The following SLCO3A1 variants were observed in gnomAD, a reference collection of about 807,000 sequenced individuals.
SLCO3A1 encodes PGE1 transporter.
Under a neutral mutation model 63.1 loss-of-function variants are expected in SLCO3A1, and 27 were observed. That is an observed-to-expected ratio of 0.43 (90% CI 0.32 to 0.59). The LOEUF is 0.59. Among genes scored for constraint, SLCO3A1 ranks in the 20% least tolerant of loss-of-function variants. SLCO3A1 has a pLI of 0.09. For synonymous variants in SLCO3A1, 473 were observed against 409.9 expected, an observed-to-expected ratio of 1.15 and a Z score of -1.86; for missense variants, 773 against 945.8, an observed-to-expected ratio of 0.82 and a Z score of 2.40.
chr15:92,101,560 T>C (rs1203913035), intron 3 of SLCO3A1, among the ~76,000 whole-genome samples: 1 of 152,010 alleles, frequency 6.6e-6, no homozygotes, highest in Admixed American at 6.6e-5. Flanking sequence ...AGGCAAGACA[T>C]TTCTCAGACG....
At chr15:92,051,655 A>T (rs1047548724) in intron 2 of SLCO3A1, among the ~76,000 whole-genome samples, 2 of 152,120 alleles carry the variant, frequency 1.3e-5, no homozygotes, top group Non-Finnish European at 2.9e-5. Context: ...TTGTCTTCTG[A>T]TCCCATCGTG....
chr15:92,130,229 C>T (rs1025149383), intron 7 of SLCO3A1, among the ~76,000 whole-genome samples: 2 of 152,230 alleles, frequency 1.3e-5, no homozygotes, highest in African/African-American at 2.4e-5. Context: ...AAGAGCCTTA[C>T]CAGGCCCATC....
chr15:91,915,939 G>C (rs959850428), intron 1 of SLCO3A1, 54 bp from the exon 2 acceptor site: 5 of 1,470,072 alleles, frequency 3.4e-6, no homozygotes. Flanking sequence ...GGAAGGAGAG[G>C]CTTCCTGGGC....
Position 92,128,386 on chromosome 15 carries a change from C to T in SLCO3A1, c.1409C>T (p.Pro470Leu). The T allele has an allele frequency of 1.2e-6, 2 of 1,614,152 alleles. No homozygotes were observed. The highest frequency in any genetic ancestry group is 1.1e-5 in the South Asian group (1 of 91,080). ...GGCTCAGCCCTGGACCCCTACTCGCCCTGCAATAATAACTGTGAATGCCAA... is the reference window on the plus strand; with the variant it reads ...GGCTCAGCCCTGGACCCCTACTCGCTCTGCAATAATAACTGTGAATGCCAA... ...APGSALDPYS[P>L]CNNNCECQTD... The change falls in exon 7 of 10, where the codon CCC (proline) becomes CTC (leucine). Residue 470 changes from proline (P) to leucine (L), a missense_variant. Physicochemically the swap from Pro to Leu is moderately conservative, Grantham distance 98. This residue lies in a region of SLCO3A1 where 565 missense variants were observed against 749.8 expected (regional missense o/e 0.75). Transcript: ENST00000318445.
Position 91,916,097 on chromosome 15 carries a change from C to G in SLCO3A1, c.285C>G (p.Phe95Leu), listed in dbSNP as rs1319330467. ...FEIGNLALILFVSYFGARGHR... is the reference protein window; with the variant it reads ...FEIGNLALILLVSYFGARGHR... ...TCGGGAACCTGGCGCTCATCCTCTT[C>G]GTGAGCTACTTCGGGGCACGCGGGC... Residue 95 changes from phenylalanine (F) to leucine (L), a missense_variant, in exon 2 of 10, where the codon TTC becomes TTG. By Grantham distance (22) the Phe-to-Leu change is conservative. Transcript: ENST00000318445. The surrounding 1 kb of genome is among the most constrained non-coding windows in gnomAD (Gnocchi z 6.2). 1 of 1,612,698 alleles carries G rather than the reference C, an allele frequency of 6.2e-7. No homozygotes were observed. Among genetic ancestry groups the G allele is most frequent in the Non-Finnish European group, 8.5e-7 (1 of 1,179,856 alleles).
intron 2 of SLCO3A1, among the ~76,000 whole-genome samples, chr15:91,979,266 A>C (rs1901242373): frequency 6.6e-6 from 1 of 152,152 alleles, no homozygotes; most frequent in South Asian, 2.1e-4. Context: ...AAGCCTCAAC[A>C]TGAAGTTCTT....
chr15:92,069,976 G>T (rs1317422800), intron 2 of SLCO3A1, among the ~76,000 whole-genome samples: 3 of 152,236 alleles, frequency 2.0e-5, no homozygotes, highest in Non-Finnish European at 4.4e-5. Context: ...AAGCCAAACT[G>T]GTAGGCTACC....
rs2046373566 is a variant in SLCO3A1, at chr15:92,011,942, TCA to T, written c.647-82936_647-82935del. 5.3e-5 allele frequency among the ~76,000 whole-genome samples: 8 copies of T among 152,326 alleles called. No homozygotes were observed. In the South Asian group the frequency reaches 1.7e-3, roughly 32 times the overall value. On this transcript the variant is annotated intron_variant, in intron 2 of 9. Coordinates refer to ENST00000318445, the MANE Select transcript of SLCO3A1 (RefSeq NM_013272.4). Reference sequence around the variant, plus strand: ...CTCAGCCTGGCAGCTGTCCCCAGGGTCACAGACTGCTGCTTCTGAGTAAACTT... The same window carrying T: ...CTCAGCCTGGCAGCTGTCCCCAGGGTCAGACTGCTGCTTCTGAGTAAACTT...
chr15:92,087,548 C>T (rs765689508), intron 2 of SLCO3A1, among the ~76,000 whole-genome samples: 80 of 99,236 alleles, frequency 8.1e-4, no homozygotes, highest in Middle Eastern at 6.8e-3. Context: ...GCTGGAGTTT[C>T]GCTTTTGTTG....
chr15:92,016,258 A>ATAGATTGATTGAT (rs1555424451), intron 2 of SLCO3A1, among the ~76,000 whole-genome samples: 9 of 126,174 alleles, frequency 7.1e-5, no homozygotes, highest in African/African-American at 2.7e-4. Context: ...GATAGATTAG[A>ATAGATTGATTGAT]TAGATAGATA....
chr15:92,082,094 A>G (rs1250068512), intron 2 of SLCO3A1, among the ~76,000 whole-genome samples: 1 of 152,162 alleles, frequency 6.6e-6, no homozygotes, highest in Non-Finnish European at 1.5e-5. Context: ...ATAAATGGTC[A>G]CCTCCTCACC....
In SLCO3A1 at chr15:92,133,082, G is replaced by A. The variant is rs764482474; in HGVS notation, c.1512+4593G>A. 8.9e-5 allele frequency among the ~76,000 whole-genome samples: 13 copies of A among 145,764 alleles called. 1 individual carries two copies. In the South Asian group the frequency reaches 1.1e-3, roughly 12 times the overall value. On this transcript the variant is annotated intron_variant, in intron 7 of 9. Transcript: ENST00000318445. ...GCCAGATAATGGATTGTCATGAGGC[G>A]CTGCCCTATGCACTGTGTTTTTACC...
At chr15:92,146,676 G>A (rs372379922) in intron 7 of SLCO3A1, among the ~76,000 whole-genome samples, 11 of 152,280 alleles carry the variant, frequency 7.2e-5, no homozygotes, top group African/African-American at 1.4e-4. Flanking sequence ...TTGTGGAAGC[G>A]CAATTTCCTC....
chr15:91,900,529 A>G lies in SLCO3A1; in HGVS notation c.181-15464A>G, dbSNP rs1044497976. Among the ~76,000 whole-genome samples the G allele has an allele frequency of 3.9e-5, 6 of 152,078 alleles. No individual in the cohort carries two copies. The highest frequency in any genetic ancestry group is 1.9e-4 in the East Asian group (1 of 5,194). On this transcript the variant is annotated intron_variant, in intron 1 of 9. Transcript: ENST00000318445. This position sits in a 1 kb window ranked among gnomAD's most constrained non-coding sequence, Gnocchi z 4.3. ...ATTTTCAGTAGAGACGGGTTTCACCATGTTGGCCAGGCTTGTCTCAAACTG... is the reference window on the plus strand; with the variant it reads ...ATTTTCAGTAGAGACGGGTTTCACCGTGTTGGCCAGGCTTGTCTCAAACTG...
intron 2 of SLCO3A1, among the ~76,000 whole-genome samples, chr15:92,075,426 G>T (rs2047265398): frequency 6.6e-6 from 1 of 152,166 alleles, no homozygotes; most frequent in Admixed American, 6.5e-5. Flanking sequence ...GAATATGGGG[G>T]CTGCCCCTTT....
At chr15:92,050,446 G>A (rs560676744) in intron 2 of SLCO3A1, among the ~76,000 whole-genome samples, 9 of 152,268 alleles carry the variant, frequency 5.9e-5, no homozygotes, top group African/African-American at 1.7e-4. Flanking sequence ...ACGGAGGCAC[G>A]GTGCCACCAT....
intron 2 of SLCO3A1, among the ~76,000 whole-genome samples, chr15:92,040,842 A>G (rs779484241): frequency 5.3e-5 from 8 of 152,188 alleles, no homozygotes; most frequent in Non-Finnish European, 1.2e-4. Context: ...GCTGTTTAAA[A>G]TGACCATTTC....
intron 1 of SLCO3A1, among the ~76,000 whole-genome samples, chr15:91,888,294 C>T (rs1197537022): frequency 3.9e-5 from 6 of 152,120 alleles, no homozygotes; most frequent in African/African-American, 1.2e-4. Flanking sequence ...GAGACTGGCC[C>T]GTCGAATCAG....
intron 2 of SLCO3A1, among the ~76,000 whole-genome samples, chr15:91,996,942 C>T (rs531803420): frequency 2.0e-5 from 3 of 152,152 alleles, no homozygotes; most frequent in South Asian, 4.2e-4. Context: ...AACTGGATTG[C>T]ATTAAAATTA....
Sources: allele counts gnomAD v4.1 joint callset (sites outside exome capture counted in the v4.1 genomes callset), GRCh38; gene constraint gnomAD v4.1.1; regional missense constraint gnomAD v4.1.1; non-coding constraint Gnocchi (gnomAD v3.1); transcripts MANE v1.5; gene names NCBI Gene and HGNC (gene_info 2026-07-23, HGNC 2026-07-21).